METTL3: variants seen among roughly 807,000 people sequenced by gnomAD.
METTL3 encodes the protein N(6)-adenosine-methyltransferase catalytic subunit METTL3.
A neutral mutation model predicts 64.3 loss-of-function variants in METTL3; 42 were observed. The ratio of observed to expected loss-of-function variants is 0.65; its 90% confidence interval spans 0.51 to 0.84. METTL3 has a LOEUF of 0.84. Ranked by LOEUF, METTL3 falls within the 40% of genes least tolerant of loss-of-function variation. The pLI, the probability that METTL3 is intolerant of heterozygous loss-of-function variation, is 0.00. For missense variants in METTL3, 435 were observed against 722.3 expected (o/e 0.60, Z 4.56); for synonymous variants, 256 against 263.6 (o/e 0.97, Z 0.28).
Position 21,498,333 on chromosome 14 carries a change from T to C in METTL3, c.1668A>G (p.Leu556=), listed in dbSNP as rs1342755654. 2 of 1,614,010 alleles carry C rather than the reference T, an allele frequency of 1.2e-6. No individual in the cohort carries two copies. Among genetic ancestry groups the C allele is most frequent in the African/African-American group, 2.7e-5 (2 of 74,910 alleles). ...TLGNQLDGIH[L]LDPDVVARFK... ...ACCGTGCAACCACATCTGGGTCTAGTAGGTGGATCCCATCCAGTTGGTTTC... is the reference window on the plus strand; with the variant it reads ...ACCGTGCAACCACATCTGGGTCTAGCAGGTGGATCCCATCCAGTTGGTTTC... The change falls in exon 11 of 11, where the codon CTA becomes CTG. Residue 556 remains leucine, a synonymous_variant. Transcript: ENST00000298717.
At chr14:21,510,364 A>C (rs1891803305) in intron 1 of METTL3, among the ~76,000 whole-genome samples, 1 of 152,230 alleles carries the variant, frequency 6.6e-6, no homozygotes, top group African/African-American at 2.4e-5. Flanking sequence ...GATACTGACA[A>C]ATATTGGAAC....
At chr14:21,500,803 C>G in intron 5 of METTL3, 110 bp downstream of exon 5, 4 of 1,417,876 alleles carry the variant, frequency 2.8e-6, no homozygotes, top group Non-Finnish European at 3.9e-6. Context: ...CCTCCATTCC[C>G]AATAAGCAAG....
At chr14:21,508,896 A>T (rs1566496931) in intron 1 of METTL3, among the ~76,000 whole-genome samples, 1 of 152,218 alleles carries the variant, frequency 6.6e-6, no homozygotes, top group Non-Finnish European at 1.5e-5. Context: ...CTCCATCTCA[A>T]AAATAAATAA....
chr14:21,499,574 C>G lies in METTL3; in HGVS notation c.1370G>C (p.Trp457Ser). The change falls in exon 8 of 11, where the codon TGG becomes TCG. Residue 457 changes from tryptophan (W) to serine (S), a missense_variant. Around this residue, in one of 9 missense-constraint regions of METTL3, gnomAD observed 36 missense variants for 73.0 expected, o/e 0.49. Transcript: ENST00000298717. ...GCGTTGCAGTTGATTTGTCTTCACCCAAATAATTTCATCTACCCGTTCATA... is the reference window on the plus strand; with the variant it reads ...GCGTTGCAGTTGATTTGTCTTCACCGAAATAATTTCATCTACCCGTTCATA... ...WGYERVDEII[W>S]VKTNQLQRII... The G allele has an allele frequency of 6.2e-7, 1 of 1,614,080 alleles. No individual in the cohort carries two copies. The highest frequency in any genetic ancestry group is 8.5e-7 in the Non-Finnish European group (1 of 1,179,962).
intron 4 of METTL3, chr14:21,501,469 T>G (rs914421899): frequency 1.1e-5 from 6 of 568,368 alleles, no homozygotes; most frequent in Non-Finnish European, 6.2e-6. Flanking sequence ...TAACTTTCAC[T>G]GTGGCTCAGA....
At position 21,511,301 on chromosome 14, in the gene METTL3, C is replaced by G. The variant is rs570974674; in HGVS notation, c.-78G>C. 1.2e-5 allele frequency: 18 copies of G among 1,522,824 alleles called. No individual in the cohort carries two copies. In the African/African-American group the frequency reaches 2.4e-4, roughly 20 times the overall value. 94.3% of individuals were successfully genotyped at this position (1,522,824 alleles called of 1,614,324 possible). ...TCCCAGCACTCGCTCCAGGATATAG[C>G]CAATTCTCACGCGGACACCCCGAAG... On this transcript the variant is annotated 5_prime_UTR_variant, in exon 1 of 11. Coordinates refer to ENST00000298717, the MANE Select transcript of METTL3 (RefSeq NM_019852.5).
chr14:21,500,102 G>A (rs151181398), intron 6 of METTL3, among the ~76,000 whole-genome samples: 3 of 152,326 alleles, frequency 2.0e-5, no homozygotes, highest in African/African-American at 7.2e-5. Flanking sequence ...GCTCACGCCT[G>A]TAATCCCAGC....
At position 21,498,186 on chromosome 14, in the gene METTL3, T is replaced by C. The variant is rs1156874644; in HGVS notation, c.*72A>G. Reference sequence around the variant, plus strand: ...ATTTAAATAAAGAAGAAAGCTATTGTACAAATATCACTCTTCAGGTTTAGC... The same window carrying C: ...ATTTAAATAAAGAAGAAAGCTATTGCACAAATATCACTCTTCAGGTTTAGC... On this transcript the variant is annotated 3_prime_UTR_variant, in exon 11 of 11. Transcript: ENST00000298717. 3 of 892,906 alleles carry C rather than the reference T, an allele frequency of 3.4e-6. No individual in the cohort carries two copies. In the South Asian group the frequency reaches 4.2e-5, roughly 12 times the overall value. 55.3% of individuals were successfully genotyped at this position (892,906 alleles called of 1,614,324 possible). A position where few individuals can be genotyped will look rare whatever the true frequency, so the allele number is the denominator to read the frequency against.
Position 21,499,940 on chromosome 14 carries a change from T to C in METTL3, c.1305-138A>G, listed in dbSNP as rs888134638. 6.5e-6 allele frequency: 5 copies of C among 766,962 alleles called. No homozygotes were observed. The Admixed American group carries it at 9.3e-5, about 14-fold the overall frequency. 47.5% of individuals were successfully genotyped at this position (766,962 alleles called of 1,614,324 possible). A position where few individuals can be genotyped will look rare whatever the true frequency, so the allele number is the denominator to read the frequency against. ...ATTTACATGCACACCACCAAAAGCATGGTGGATCTAAGAACGAAAAGATAA... is the reference window on the plus strand; with the variant it reads ...ATTTACATGCACACCACCAAAAGCACGGTGGATCTAAGAACGAAAAGATAA... On this transcript the variant is annotated intron_variant, in intron 6 of 10. Coordinates refer to ENST00000298717, the MANE Select transcript of METTL3 (RefSeq NM_019852.5).
chr14:21,503,310 A>G lies in METTL3; in HGVS notation c.586T>C (p.Ser196Pro), dbSNP rs761629008. Residue 196 changes from serine (S) to proline (P), a missense_variant, in exon 3 of 11, where the codon TCT becomes CCT. Coordinates refer to ENST00000298717, the MANE Select transcript of METTL3 (RefSeq NM_019852.5). ...TCCGATGCTGAAGAGTTCAGACCAG[A>G]GACTAACGAACTGGCAAAGGCAGCT... ...TVAAFASSLV[S>P]GLNSSASEPA... is the part of the protein sequence containing the mutation. The G allele has an allele frequency of 6.2e-7, 1 of 1,614,166 alleles. No individual in the cohort carries two copies. The highest frequency in any genetic ancestry group is 1.7e-5 in the Admixed American group (1 of 60,018).
chr14:21,498,588 T>G (rs977732731), intron 10 of METTL3: 3 of 572,716 alleles, frequency 5.2e-6, no homozygotes, highest in Non-Finnish European at 6.1e-6. Flanking sequence ...ATCTGAGGGT[T>G]AGTAACTAAT....
chr14:21,508,863 T>C (rs1007363201), intron 1 of METTL3, among the ~76,000 whole-genome samples: 2 of 152,092 alleles, frequency 1.3e-5, no homozygotes, highest in East Asian at 1.9e-4. Context: ...CATTGCACTC[T>C]GGCCTGGGCA....
chr14:21,499,836 GCCCATATTTTTTTT>G (rs1891513196), intron 6 of METTL3, 34 bp from the exon 7 acceptor site: 2 of 1,604,518 alleles, frequency 1.2e-6, no homozygotes, highest in African/African-American at 2.7e-5. Flanking sequence ...CTATTTGTAT[GCCCATATTTTTTTT>G]CCCTTCAAAA....
At chr14:21,499,642 TA>T (rs1891506183) in intron 7 of METTL3, 42 bp from the exon 8 acceptor site, 1 of 1,594,618 alleles carries the variant, frequency 6.3e-7, no homozygotes, top group Admixed American at 1.7e-5. Context: ...GCCAAACTTT[TA>T]CAGTTTAGGG....
At chr14:21,502,090 A>C (rs963781457) in intron 3 of METTL3, among the ~76,000 whole-genome samples, 187 bp from the exon 4 acceptor site, 1 of 146,494 alleles carries the variant, frequency 6.8e-6, no homozygotes, top group Non-Finnish European at 1.5e-5. Flanking sequence ...ATCATAACTC[A>C]CTGTTTCTCC....
chr14:21,503,046 G>A, intron 3 of METTL3, 127 bp downstream of exon 3: 1 of 1,028,776 alleles, frequency 9.7e-7, no homozygotes, highest in Non-Finnish European at 1.4e-6. Flanking sequence ...CTGGGAGTTG[G>A]GCAGTAGGGA....
At chr14:21,498,736 C>T in intron 10 of METTL3, 2 of 463,284 alleles carry the variant, frequency 4.3e-6, no homozygotes, top group Non-Finnish European at 7.7e-6. Context: ...AACTTCGTAA[C>T]CACCAGGGGG....
At chr14:21,500,720 A>G in intron 5 of METTL3, 38 bp from the exon 6 acceptor site, 6 of 1,577,606 alleles carry the variant, frequency 3.8e-6, no homozygotes, top group Non-Finnish European at 5.2e-6. Flanking sequence ...CCCTACTTTA[A>G]CTCTGAGATT....
rs781030168 is a variant in METTL3, at chr14:21,501,022, C to T, written c.1007G>A (p.Cys336Tyr). 6.2e-6 allele frequency: 10 copies of T among 1,614,122 alleles called. No homozygotes were observed. The South Asian group carries it at 1.1e-4, about 18-fold the overall frequency. ...CKYVHYEIDA[C>Y]MDSEAPGSKD... ...GCTGCCAGGGGCCTCAGAATCCATG[C>T]AAGCATCAATTTCATAGTGAACATA... The change falls in exon 5 of 11, where the codon TGC becomes TAC. Residue 336 changes from cysteine (C) to tyrosine (Y), a missense_variant. Physicochemically the swap from Cys to Tyr is radical, Grantham distance 194. Coordinates refer to ENST00000298717, the MANE Select transcript of METTL3 (RefSeq NM_019852.5).
Sources: gnomAD v4.1 joint callset for allele counts (sites outside exome capture counted in the v4.1 genomes callset) on GRCh38, gnomAD v4.1.1 for gene constraint, gnomAD v4.1.1 regional missense constraint, MANE v1.5 for transcripts, NCBI Gene and HGNC (gene_info 2026-07-23, HGNC 2026-07-21) for gene names.